ELMO1: variants seen among roughly 807,000 people sequenced by gnomAD.
ELMO1 encodes engulfment and cell motility protein 1.
In ELMO1, 26 loss-of-function variants were observed where a neutral mutation model predicts 98.9. The ratio of observed to expected loss-of-function variants is 0.26; its 90% CI spans 0.19 to 0.36. ELMO1 has a LOEUF of 0.36. Among genes scored for constraint, ELMO1 ranks in the 10% least tolerant of loss-of-function variants. ELMO1 has a pLI of 1.00. For synonymous variants in ELMO1, 346 were observed against 346.0 expected, an observed-to-expected ratio of 1.00 and a Z score of 0.00; for missense variants, 627 against 935.2, an observed-to-expected ratio of 0.67 and a Z score of 4.30.
intron 20 of ELMO1, among the ~76,000 whole-genome samples, chr7:36,864,682 G>A (rs1343342075): frequency 6.6e-6 from 1 of 152,156 alleles, no homozygotes; most frequent in East Asian, 1.9e-4. Context: ...GCCAGGTGGT[G>A]GTGGAGTAGA....
intron 11 of ELMO1, among the ~76,000 whole-genome samples, chr7:37,213,944 C>A (rs1793134542): frequency 6.6e-6 from 1 of 152,106 alleles, no homozygotes; most frequent in Admixed American, 6.6e-5. Flanking sequence ...AGCAAAATAC[C>A]CATCAAATCT....
intron 5 of ELMO1, among the ~76,000 whole-genome samples, chr7:37,268,211 A>C (rs897083989): frequency 6.6e-6 from 1 of 152,202 alleles, no homozygotes; most frequent in African/African-American, 2.4e-5. Flanking sequence ...GAGACACTAC[A>C]AGACACTACT....
intron 13 of ELMO1, among the ~76,000 whole-genome samples, chr7:37,174,419 G>GTT (rs1790383813): frequency 6.6e-6 from 1 of 152,128 alleles, no homozygotes; most frequent in African/African-American, 2.4e-5. Context: ...AGATTAAAAT[G>GTT]TTTTCTGATG....
chr7:36,956,581 T>C (rs976692124), intron 16 of ELMO1, among the ~76,000 whole-genome samples: 39 of 152,328 alleles, frequency 2.6e-4, no homozygotes, highest in African/African-American at 9.1e-4. Context: ...AGTTTTATTT[T>C]ATAGCTCAAA....
At chr7:37,419,588 G>A (rs1456491662) in intron 1 of ELMO1, 1 of 150,922 alleles carries the variant, frequency 6.6e-6, no homozygotes, top group African/African-American at 2.4e-5. Flanking sequence ...TTAAATAATT[G>A]TATACAATTT....
chr7:37,318,917 T>C (rs1473031860), intron 2 of ELMO1, among the ~76,000 whole-genome samples: 1 of 152,210 alleles, frequency 6.6e-6, no homozygotes, highest in East Asian at 1.9e-4. Flanking sequence ...TTCTATGATA[T>C]AGCGCAATAT....
At chr7:37,180,085 A>G (rs1790749802) in intron 13 of ELMO1, among the ~76,000 whole-genome samples, 1 of 152,198 alleles carries the variant, frequency 6.6e-6, no homozygotes, top group African/African-American at 2.4e-5. Context: ...AGGGCTGCAC[A>G]ATGTGCTTCT....
chr7:37,391,919 C>T (rs975605385), intron 1 of ELMO1, among the ~76,000 whole-genome samples: 9 of 152,182 alleles, frequency 5.9e-5, no homozygotes, highest in Admixed American at 5.2e-4. Flanking sequence ...GTGTACCCCC[C>T]TAAGAAAGCA....
chr7:37,150,849 T>C (rs566327674), intron 13 of ELMO1, among the ~76,000 whole-genome samples: 9 of 152,238 alleles, frequency 5.9e-5, no homozygotes, highest in Admixed American at 1.3e-4. Flanking sequence ...TTTTCACTTA[T>C]ATTTGACTAG....
At chr7:37,233,934 G>A (rs188968803) in intron 7 of ELMO1, among the ~76,000 whole-genome samples, 17 of 152,226 alleles carry the variant, frequency 1.1e-4, no homozygotes, top group Admixed American at 5.2e-4. Context: ...TCTAATATGT[G>A]GTTTGAAAAT....
At chr7:36,863,811 T>G (rs73335921) in intron 20 of ELMO1, among the ~76,000 whole-genome samples, 4,647 of 152,280 alleles carry the variant, frequency 0.031, 242 homozygotes, top group African/African-American at 0.11. Context: ...TCATTATCTC[T>G]TCTTACAACT....
intron 14 of ELMO1, among the ~76,000 whole-genome samples, chr7:37,128,323 G>A (rs1392825304): frequency 6.6e-6 from 1 of 152,194 alleles, no homozygotes; most frequent in Non-Finnish European, 1.5e-5. Flanking sequence ...CATGAGCCAA[G>A]AACCCTCCCT....
At chr7:37,424,530 G>T (rs1393535922) in intron 1 of ELMO1, among the ~76,000 whole-genome samples, 1 of 152,112 alleles carries the variant, frequency 6.6e-6, no homozygotes, top group African/African-American at 2.4e-5. Context: ...TACTCCTCAA[G>T]AATTTGTCAA....
chr7:37,005,605 T>C (rs1793030921), intron 16 of ELMO1, among the ~76,000 whole-genome samples: 1 of 142,072 alleles, frequency 7.0e-6, no homozygotes, highest in African/African-American at 2.7e-5. Context: ...GGCAGGAGAA[T>C]CACTTGAATT....
chr7:37,229,248 C>T (rs1181854080), intron 8 of ELMO1, among the ~76,000 whole-genome samples: 4 of 152,184 alleles, frequency 2.6e-5, no homozygotes, highest in Admixed American at 6.5e-5. Flanking sequence ...TGATGTTATA[C>T]TTGGCTAGGG....
chr7:37,010,390 C>G (rs1033253338), intron 16 of ELMO1, among the ~76,000 whole-genome samples: 1 of 152,132 alleles, frequency 6.6e-6, no homozygotes, highest in Non-Finnish European at 1.5e-5. Context: ...GGGTTGCAGA[C>G]AGAATTAAGG....
At chr7:37,043,326 G>A (rs1186686122) in intron 15 of ELMO1, among the ~76,000 whole-genome samples, 3 of 152,202 alleles carry the variant, frequency 2.0e-5, no homozygotes, top group Non-Finnish European at 2.9e-5. Context: ...TGTGCCCCAA[G>A]CATCTTATTA....
intron 15 of ELMO1, among the ~76,000 whole-genome samples, chr7:37,014,030 C>T (rs1793743492): frequency 6.6e-6 from 1 of 152,160 alleles, no homozygotes; most frequent in South Asian, 2.1e-4. Context: ...TCAAAGCAAC[C>T]TGAATAGCTT....
In ELMO1 at chr7:37,365,802, G is replaced by A. The variant is rs374627469; in HGVS notation, c.-73-23039C>T. Among the ~76,000 whole-genome samples the A allele has an allele frequency of 3.3e-5, 5 of 152,344 alleles. No individual in the cohort carries two copies. The East Asian group carries it at 9.6e-4, about 29-fold the overall frequency. ...TTTACTTTTTCGAGGCAGAGACATAGTAAAGTATTATCATAAGCGCCATTC... is the reference window on the plus strand; with the variant it reads ...TTTACTTTTTCGAGGCAGAGACATAATAAAGTATTATCATAAGCGCCATTC... On this transcript the variant is annotated intron_variant, in intron 1 of 21. Transcript: ENST00000310758.
Sources: gnomAD v4.1 joint callset for allele counts (sites outside exome capture counted in the v4.1 genomes callset) on GRCh38, gnomAD v4.1.1 for gene constraint, MANE v1.5 for transcripts, NCBI Gene and HGNC (gene_info 2026-07-23, HGNC 2026-07-21) for gene names.